FMN2: variants seen among roughly 807,000 people sequenced by gnomAD.
FMN2 encodes the protein formin 2, also known as formin-2.
In FMN2, 51 loss-of-function variants were observed where a neutral mutation model predicts 142.3. The observed-to-expected ratio is 0.36, with a 90% CI of 0.29 to 0.45. FMN2 has a LOEUF of 0.45. FMN2 is among the 20% of genes least tolerant of loss of function. The pLI is 1.00. For missense variants in FMN2, 1,936 were observed against 2,122.8 expected (o/e 0.91, Z 1.73); for synonymous variants, 882 against 869.8 (o/e 1.01, Z -0.25).
chr1:240,110,165 A>T (rs1037719916), intron 1 of FMN2, among the ~76,000 whole-genome samples: 1 of 152,170 alleles, frequency 6.6e-6, no homozygotes, highest in Non-Finnish European at 1.5e-5. Context: ...GTTGGTCAGA[A>T]GCTTTTCCCA....
At chr1:240,355,764 TA>T in intron 13 of FMN2, 51 bp from the exon 14 acceptor site, 1 of 1,339,240 alleles carries the variant, frequency 7.5e-7, no homozygotes, top group Non-Finnish European at 1.1e-6. Context: ...AAAATTGCCT[TA>T]ATGCTCCACT....
intron 7 of FMN2, among the ~76,000 whole-genome samples, chr1:240,273,505 G>A (rs1669090150): frequency 6.6e-6 from 1 of 152,164 alleles, no homozygotes; most frequent in Non-Finnish European, 1.5e-5. Flanking sequence ...TGGAAAAACA[G>A]TGCATGATTT....
At chr1:240,235,473 G>T (rs1256786521) in intron 6 of FMN2, among the ~76,000 whole-genome samples, 2 of 151,504 alleles carry the variant, frequency 1.3e-5, no homozygotes, top group Non-Finnish European at 2.9e-5. Flanking sequence ...GTGCAGTGGT[G>T]TGATCATCGC....
chr1:240,144,112 C>T, intron 2 of FMN2: 1 of 1,161,516 alleles, frequency 8.6e-7, no homozygotes, highest in Non-Finnish European at 1.3e-6. Flanking sequence ...AGGCCACCAT[C>T]CACATCCCAC....
chr1:240,187,966 T>C (rs566962945), intron 3 of FMN2, among the ~76,000 whole-genome samples: 3 of 152,290 alleles, frequency 2.0e-5, no homozygotes, highest in South Asian at 4.1e-4. Flanking sequence ...AGTTGATATA[T>C]AGAGAAGGGC....
rs760197257 is a variant in FMN2, at chr1:240,093,429, C to T, written c.1320C>T (p.Ser440=). 3 of 1,613,522 alleles carry T rather than the reference C, an allele frequency of 1.9e-6. No homozygotes were observed. Among genetic ancestry groups the T allele is most frequent in the Non-Finnish European group, 2.5e-6 (3 of 1,179,736 alleles). The change falls in exon 1 of 18, where the codon AGC becomes AGT. Residue 440 remains serine (S), a synonymous_variant. Transcript: ENST00000319653. ...CCCCGTCTCAGTCCCCTAATCAGAG[C>T]CCCAGGATCAAGAGGCGGCCGGAAC... The part of the protein sequence containing the change: ...NHSPSQSPNQ[S]PRIKRRPEPS...
chr1:240,322,309 G>A (rs938298933), intron 8 of FMN2, among the ~76,000 whole-genome samples: 6 of 152,008 alleles, frequency 3.9e-5, no homozygotes, highest in Admixed American at 6.6e-5. Context: ...AAGAATCTTC[G>A]GTCTAAAATG....
At chr1:240,323,546 T>C (rs1671053966) in intron 8 of FMN2, among the ~76,000 whole-genome samples, 1 of 152,164 alleles carries the variant, frequency 6.6e-6, no homozygotes, top group African/African-American at 2.4e-5. Flanking sequence ...CTGACCTTCC[T>C]TATTTATGGG....
intron 2 of FMN2, among the ~76,000 whole-genome samples, chr1:240,124,966 G>A (rs1011487269): frequency 4.6e-5 from 7 of 152,084 alleles, no homozygotes; most frequent in African/African-American, 9.7e-5. Context: ...GCGCCTGGCC[G>A]TGGTTTTTCA....
chr1:240,299,929 A>G (rs752302935), intron 8 of FMN2, among the ~76,000 whole-genome samples: 12 of 152,198 alleles, frequency 7.9e-5, no homozygotes, highest in Non-Finnish European at 1.3e-4. Context: ...AGTAGGAATA[A>G]GGTGGCGCGC....
chr1:240,338,917 A>G (rs1214270410), intron 13 of FMN2, among the ~76,000 whole-genome samples: 1 of 152,188 alleles, frequency 6.6e-6, no homozygotes. Context: ...TCTGGGGGTG[A>G]TGGGAGACAG....
In FMN2 at chr1:240,275,662, G is replaced by A. The variant is rs369554855; in HGVS notation, c.4153+17630G>A. On this transcript the variant is annotated intron_variant, in intron 7 of 17. Coordinates refer to ENST00000319653, the MANE Select transcript of FMN2 (RefSeq NM_020066.5). ...TCTGGTTCTGGGTCCTTGAGAAATT[G>A]CCACACTGTCCTCCACAATGGTTGA... Among the ~76,000 whole-genome samples, 10 of 152,238 alleles carry A rather than the reference G, an allele frequency of 6.6e-5. No homozygotes were observed. In the East Asian group the frequency reaches 1.6e-3, roughly 24 times the overall value.
intron 7 of FMN2, among the ~76,000 whole-genome samples, 166 bp from the exon 8 acceptor site, chr1:240,294,656 C>T (rs1669905862): frequency 6.6e-6 from 1 of 152,164 alleles, no homozygotes; most frequent in African/African-American, 2.4e-5. Flanking sequence ...GACACCTGGC[C>T]CAGCGAAATT....
Position 240,349,188 on chromosome 1 carries a change from T to A in FMN2, c.4766-6628T>A, listed in dbSNP as rs146116517. Reference sequence around the variant, plus strand: ...TGCACTTACACCTACTTTGCAAGCATCTTGCTGCCTACATTGATCTGCTTT... The same window carrying A: ...TGCACTTACACCTACTTTGCAAGCAACTTGCTGCCTACATTGATCTGCTTT... On this transcript the variant is annotated intron_variant, in intron 13 of 17. Coordinates refer to ENST00000319653, the MANE Select transcript of FMN2 (RefSeq NM_020066.5). Among the ~76,000 whole-genome samples, 623 of 152,344 alleles carry A rather than the reference T, an allele frequency of 4.1e-3. 5 individuals are homozygous for A. Among genetic ancestry groups the A allele is most frequent in the African/African-American group, 0.014 (586 of 41,582 alleles).
At chr1:240,159,937 G>GTA (rs35292759) in intron 2 of FMN2, among the ~76,000 whole-genome samples, 160 of 71,286 alleles carry the variant, frequency 2.2e-3, no homozygotes, top group Middle Eastern at 0.01. Flanking sequence ...ATATATTTGT[G>GTA]TATATATATA....
rs377476318 is a variant in FMN2, at chr1:240,383,888, AT to A, written c.4859-8622del. On this transcript the variant is annotated intron_variant, in intron 14 of 17. Coordinates refer to ENST00000319653, the MANE Select transcript of FMN2 (RefSeq NM_020066.5). ...ACAGATGACTGGAGAAAGAAAAAAA[AT>A]ATATATATATATATTCTTTATATAT... 1.2e-3 allele frequency among the ~76,000 whole-genome samples: 176 copies of A among 142,168 alleles called. 1 individual carries two copies. In the East Asian group the frequency reaches 0.02, roughly 16 times the overall value. 93.3% of individuals were successfully genotyped at this position (142,168 alleles called of 152,430 possible).
At position 240,092,971 on chromosome 1, in the gene FMN2, C is replaced by T. The variant is rs1349891883; in HGVS notation, c.862C>T (p.Arg288Trp). Residue 288 changes from arginine to tryptophan, a missense_variant, in exon 1 of 18, where the codon CGG (arginine) becomes TGG (tryptophan). Physicochemically the swap from Arg to Trp is moderately radical, Grantham distance 101 (BLOSUM62 -3). Transcript: ENST00000319653. The part of the protein sequence containing the change: ...DLPESLAAEP[R>W]EPQQPPSPGG... ...GCCCGAGAGCCTGGCCGCCGAGCCC[C>T]GGGAGCCCCAGCAACCGCCGTCCCC... 1.1e-5 allele frequency: 16 copies of T among 1,410,042 alleles called. No homozygotes were observed. In the Admixed American group the frequency reaches 3.8e-4, roughly 33 times the overall value. 87.3% of individuals were successfully genotyped at this position (1,410,042 alleles called of 1,614,324 possible). A position where few individuals can be genotyped will look rare whatever the true frequency, so the allele number is the denominator to read the frequency against.
At chr1:240,124,777 C>T (rs760408955) in intron 2 of FMN2, among the ~76,000 whole-genome samples, 6 of 152,102 alleles carry the variant, frequency 3.9e-5, no homozygotes, top group Non-Finnish European at 5.9e-5. Context: ...AAGCGATTCT[C>T]CTGCCTCAGC....
At chr1:240,340,046 A>T (rs1671695992) in intron 13 of FMN2, among the ~76,000 whole-genome samples, 1 of 152,080 alleles carries the variant, frequency 6.6e-6, no homozygotes, top group Non-Finnish European at 1.5e-5. Context: ...TTATTCTTCT[A>T]AATAAGATGA....
Sources: gnomAD v4.1 joint callset for allele counts (sites outside exome capture counted in the v4.1 genomes callset) on GRCh38, gnomAD v4.1.1 for gene constraint, MANE v1.5 for transcripts, NCBI Gene and HGNC (gene_info 2026-07-23, HGNC 2026-07-21) for gene names.